The following MLLT3 variants were observed in gnomAD, a reference collection of about 807,000 sequenced individuals.
MLLT3 encodes the protein protein AF-9.
MLLT3 carries 4 observed loss-of-function variants against 53.2 expected under a neutral mutation model. The observed-to-expected ratio is 0.08, with a 90% CI of 0.04 to 0.17. The LOEUF is 0.17. MLLT3 is among the 10% of genes least tolerant of loss of function. The pLI is 1.00. For missense variants in MLLT3, 569 were observed against 684.0 expected, an observed-to-expected ratio of 0.83 and a Z score of 1.87; for synonymous variants, 283 against 230.6, an observed-to-expected ratio of 1.23 and a Z score of -2.06.
intron 2 of MLLT3, among the ~76,000 whole-genome samples, chr9:20,490,890 A>G (rs191773876): frequency 3.7e-4 from 56 of 152,314 alleles, no homozygotes; most frequent in African/African-American, 1.3e-3. Flanking sequence ...AGGATCTAGT[A>G]ATGACTAGAG....
chr9:20,408,441 C>A (rs1183947989), intron 5 of MLLT3, among the ~76,000 whole-genome samples: 1 of 151,964 alleles, frequency 6.6e-6, no homozygotes, highest in Non-Finnish European at 1.5e-5. Flanking sequence ...CTCCATGCAC[C>A]CAACAAAGTT....
intron 2 of MLLT3, among the ~76,000 whole-genome samples, chr9:20,498,494 T>A (rs143088709): frequency 8.1e-4 from 124 of 152,300 alleles, no homozygotes; most frequent in Non-Finnish European, 1.4e-3. Context: ...ATCTTATTAT[T>A]CAGCTGTAGG....
chr9:20,585,414 A>C (rs934346732), intron 2 of MLLT3, among the ~76,000 whole-genome samples: 8 of 152,344 alleles, frequency 5.3e-5, no homozygotes, highest in South Asian at 2.1e-4. Context: ...GTAGGGTTTC[A>C]ACGTATGAAT....
chr9:20,448,023 C>G lies in MLLT3; in HGVS notation c.420+100G>C. 1 of 1,352,342 alleles carries G rather than the reference C, an allele frequency of 7.4e-7. No individual in the cohort carries two copies. The highest frequency in any genetic ancestry group is 1.4e-5 in the South Asian group (1 of 70,380). 83.8% of individuals were successfully genotyped at this position (1,352,342 alleles called of 1,614,324 possible). On this transcript the variant is annotated intron_variant, in intron 4 of 10. Coordinates refer to ENST00000380338, the MANE Select transcript of MLLT3 (RefSeq NM_004529.4). The surrounding 1 kb of genome is among the most constrained non-coding windows in gnomAD (Gnocchi z 4.0). ...ATCATTTCTTTTACCTCTCCCAAAA[C>G]CTTATACTTTTTAACACATGAGGAA...
At chr9:20,491,842 G>A (rs1824956531) in intron 2 of MLLT3, among the ~76,000 whole-genome samples, 1 of 152,072 alleles carries the variant, frequency 6.6e-6, no homozygotes. Context: ...GACTTTCAGA[G>A]CATAGTACAA....
At chr9:20,553,874 C>A (rs931498923) in intron 2 of MLLT3, among the ~76,000 whole-genome samples, 3 of 151,638 alleles carry the variant, frequency 2.0e-5, no homozygotes, top group African/African-American at 7.3e-5. Flanking sequence ...ACAATCACAA[C>A]CCTCCTGGCA....
At chr9:20,512,466 T>C (rs927856670) in intron 2 of MLLT3, among the ~76,000 whole-genome samples, 3 of 152,156 alleles carry the variant, frequency 2.0e-5, no homozygotes, top group African/African-American at 7.2e-5. Flanking sequence ...CCAAATTTAA[T>C]GAATCAGAAA....
At chr9:20,552,532 G>C in intron 2 of MLLT3, among the ~76,000 whole-genome samples, 1 of 152,218 alleles carries the variant, frequency 6.6e-6, no homozygotes. Flanking sequence ...CGTTGTTGTT[G>C]TTGTTGGGGC....
At chr9:20,385,517 TA>T (rs1822012017) in intron 5 of MLLT3, among the ~76,000 whole-genome samples, 1 of 152,188 alleles carries the variant, frequency 6.6e-6, no homozygotes, top group African/African-American at 2.4e-5. Flanking sequence ...GTTTGAAATA[TA>T]TGAATAAAAA....
At chr9:20,450,245 A>G (rs918208499) in intron 3 of MLLT3, among the ~76,000 whole-genome samples, 4 of 152,056 alleles carry the variant, frequency 2.6e-5, no homozygotes, top group Non-Finnish European at 4.4e-5. Context: ...AGATCTACCT[A>G]TCCTTTCCTC....
intron 4 of MLLT3, among the ~76,000 whole-genome samples, chr9:20,445,939 A>G (rs1428484630): frequency 1.3e-5 from 2 of 152,334 alleles, no homozygotes; most frequent in African/African-American, 4.8e-5. Flanking sequence ...AGTTAGTAAC[A>G]CCATGATAGG....
intron 2 of MLLT3, among the ~76,000 whole-genome samples, chr9:20,526,623 T>C (rs1818211634): frequency 1.3e-5 from 2 of 152,206 alleles, no homozygotes; most frequent in Admixed American, 6.5e-5. Context: ...AGTAGTACTC[T>C]AGAAATATTC....
intron 2 of MLLT3, among the ~76,000 whole-genome samples, chr9:20,509,155 C>G (rs768860742): frequency 1.3e-5 from 2 of 152,214 alleles, no homozygotes; most frequent in Non-Finnish European, 2.9e-5. Context: ...AACTCCAGTT[C>G]TGAGTGGGTT....
chr9:20,368,093 T>C (rs959067980), intron 5 of MLLT3, among the ~76,000 whole-genome samples: 2 of 152,204 alleles, frequency 1.3e-5, no homozygotes, highest in African/African-American at 4.8e-5. Context: ...TTTACTTGAG[T>C]ACTGTAGCAC....
chr9:20,440,600 A>C (rs1823523119), intron 4 of MLLT3, among the ~76,000 whole-genome samples: 3 of 152,200 alleles, frequency 2.0e-5, no homozygotes, highest in Admixed American at 2.0e-4. Context: ...CTCCCTTACC[A>C]TCCTAGAAGA....
intron 2 of MLLT3, among the ~76,000 whole-genome samples, chr9:20,483,730 T>C (rs890473240): frequency 8.7e-6 from 1 of 114,550 alleles, no homozygotes; most frequent in East Asian, 2.6e-4. Context: ...TTTTCCGAGA[T>C]GGAGTATCGC....
rs34711683 is a variant in MLLT3, at chr9:20,521,458, ATGTG to A, written c.194-64676_194-64673del. Among the ~76,000 whole-genome samples the A allele has an allele frequency of 0.014, 2,111 of 148,294 alleles. 70 individuals are homozygous for A. The East Asian group carries it at 0.14, about 10-fold the overall frequency. On this transcript the variant is annotated intron_variant, in intron 2 of 10. Transcript: ENST00000380338. Reference sequence around the variant, plus strand: ...TCACTCTCTCTCGCTGTGTGTGTATATGTGTGTGTGTGTGTGTGTGTGTGTGTAA... The same window carrying A: ...TCACTCTCTCTCGCTGTGTGTGTATATGTGTGTGTGTGTGTGTGTGTGTAA...
chr9:20,359,076 C>T (rs568810473), intron 8 of MLLT3, among the ~76,000 whole-genome samples: 3 of 129,074 alleles, frequency 2.3e-5, no homozygotes, highest in Non-Finnish European at 4.7e-5. Context: ...ACCCAGGAGG[C>T]GGAGGTTGCA....
chr9:20,391,216 A>G (rs1586913390), intron 5 of MLLT3, among the ~76,000 whole-genome samples: 3 of 152,204 alleles, frequency 2.0e-5, no homozygotes, highest in African/African-American at 2.4e-5. Flanking sequence ...ATTGACATCA[A>G]TCAATCATTT....
Sources: gnomAD v4.1 joint callset for allele counts (sites outside exome capture counted in the v4.1 genomes callset) on GRCh38, gnomAD v4.1.1 for gene constraint, Gnocchi (gnomAD v3.1) non-coding constraint, MANE v1.5 for transcripts, NCBI Gene and HGNC (gene_info 2026-07-23, HGNC 2026-07-21) for gene names.